The following DGKQ variants were observed in gnomAD, a reference collection of about 807,000 sequenced individuals.
The protein encoded by DGKQ is diacylglycerol kinase theta.
Under a neutral mutation model 104.2 loss-of-function variants are expected in DGKQ, and 97 were observed. That is an observed-to-expected ratio of 0.93 (90% CI 0.79 to 1.10). The LOEUF (loss-of-function observed/expected upper bound fraction) is 1.10. Ranked by LOEUF, DGKQ falls within the 50% of genes least tolerant of loss-of-function variation. DGKQ has a pLI of 0.00. For synonymous variants in DGKQ, 736 were observed against 595.2 expected (o/e 1.24, Z -3.44); for missense variants, 1,465 against 1,352.1 (o/e 1.08, Z -1.31).
chr4:961,232 G>A lies in DGKQ; in HGVS notation c.2575-31C>T, dbSNP rs780586224. Reference sequence around the variant, plus strand: ...GCGGGAGAGGCCAGCCGGGCTCAGCGGGGATCAGGGACGCCCACCGCTGAC... The same window carrying A: ...GCGGGAGAGGCCAGCCGGGCTCAGCAGGGATCAGGGACGCCCACCGCTGAC... On this transcript the variant is annotated intron_variant, in intron 21 of 22. Coordinates refer to ENST00000273814, the MANE Select transcript of DGKQ (RefSeq NM_001347.4). 68 of 1,504,608 alleles carry A rather than the reference G, an allele frequency of 4.5e-5. No individual in the cohort carries two copies. The East Asian group carries it at 6.2e-4, about 14-fold the overall frequency. The allele number at this position is 1,504,608 out of a possible 1,614,324, so 93.2% of individuals were successfully genotyped here.
rs780995529 is a variant in DGKQ at position 962,591 on chromosome 4, G to A, written c.2058C>T (p.Leu686=). 8 of 1,608,688 alleles carry A rather than the reference G, an allele frequency of 5.0e-6. No homozygotes were observed. The Admixed American group carries it at 1.0e-4, about 20-fold the overall frequency. The change falls in exon 18 of 23, where the codon CTC becomes CTT. Residue 686 remains leucine, a synonymous_variant. Transcript: ENST00000273814. ...CGCCGCTGTAGCCCGCCCCCCAGCG[G>A]AGGACTCGACCAAGGTCATTCCCTG... ...LGTGNDLGRV[L]RWGAGYSGED...
intron 19 of DGKQ, 70 bp from the exon 20 acceptor site, chr4:961,904 G>A (rs890420793): frequency 1.3e-5 from 21 of 1,605,422 alleles, no homozygotes; most frequent in East Asian, 4.5e-5. Context: ...TCCGGGTTCC[G>A]GCCCCTCTGC....
chr4:961,393 A>G, intron 21 of DGKQ, 74 bp downstream of exon 21: 1 of 1,461,810 alleles, frequency 6.8e-7, no homozygotes, highest in East Asian at 2.5e-5. Context: ...CTGGGGCGGG[A>G]GAGGCCAGCT....
At chr4:968,945 A>G (rs781649134) in intron 2 of DGKQ, 35 bp from the exon 3 acceptor site, 37 of 1,419,928 alleles carry the variant, frequency 2.6e-5, no homozygotes, top group African/African-American at 4.3e-5. Context: ...ACCCTTGGTA[A>G]GGGCAACAGG....
rs1227351148 is a variant in DGKQ, at chr4:968,401, G to A, written c.544C>T (p.His182Tyr). 3 of 1,578,766 alleles carry A rather than the reference G, an allele frequency of 1.9e-6. No individual in the cohort carries two copies. The highest frequency in any genetic ancestry group is 1.4e-5 in the African/African-American group (1 of 73,430). The change falls in exon 5 of 23, where the codon CAT (histidine) becomes TAT (tyrosine). Residue 182 changes from histidine to tyrosine, a missense_variant. Transcript: ENST00000273814. ...TTCCCCTCCCGCCAGTGGTGGTGAT[G>A]GGTGTCCTGCAGAGCGGGGGCAGTC... ...HQDGHQDHDT[H>Y]HHHWREGNLP...
chr4:968,337 G>GTCTTCCTGCAGACC lies in DGKQ; in HGVS notation c.594_607dup (p.Thr203ArgfsTer103). 8.0e-7 allele frequency: 1 copy of GTCTTCCTGCAGACC among 1,257,522 alleles called. No individual in the cohort carries two copies. Among genetic ancestry groups the GTCTTCCTGCAGACC allele is most frequent in the Non-Finnish European group, 1.0e-6 (1 of 978,076 alleles). 77.9% of individuals were successfully genotyped at this position (1,257,522 alleles called of 1,614,324 possible). A position where few individuals can be genotyped will look rare whatever the true frequency, so the allele number is the denominator to read the frequency against. ...GGCCAGCACGTCAGAGGAGCCGCACGTCTTCCTGCAGACCTCGCAGCGCGC... is the reference window on the plus strand; with the variant it reads ...GGCCAGCACGTCAGAGGAGCCGCACGTCTTCCTGCAGACCTCTTCCTGCAGACCTCGCAGCGCGC... On this transcript the variant is annotated frameshift_variant, in exon 5 of 23. Transcript: ENST00000273814. LOFTEE classifies it high-confidence loss of function.
In DGKQ at chr4:961,119, G is replaced by A. The variant is rs141366864; in HGVS notation, c.2657C>T (p.Pro886Leu). 15 of 1,610,342 alleles carry A rather than the reference G, an allele frequency of 9.3e-6. No individual in the cohort carries two copies. Among genetic ancestry groups the A allele is most frequent in the East Asian group, 4.5e-5 (2 of 44,778 alleles). Residue 886 changes from proline to leucine, a missense_variant, in exon 22 of 23, where the codon CCG becomes CTG. Coordinates refer to ENST00000273814, the MANE Select transcript of DGKQ (RefSeq NM_001347.4). ...CCAGGGCTCCCCGTCCACCTGCACC[G>A]GGGTGGCCTTGAGGAGCGTGACTCG... The part of the protein sequence containing the change: ...YFRVTLLKAT[P>L]VQVDGEPWVQ...
At chr4:968,198 CGCCAACT>C in intron 5 of DGKQ, 77 bp downstream of exon 5, 1 of 742,812 alleles carries the variant, frequency 1.3e-6, no homozygotes, top group South Asian at 2.6e-5. Flanking sequence ...TGCCCCGCCC[CGCCAACT>C]CCTCCACCTC....
intron 12 of DGKQ, 188 bp from the exon 13 acceptor site, chr4:966,266 C>G: frequency 2.4e-6 from 2 of 833,286 alleles, no homozygotes; most frequent in East Asian, 2.7e-5. Context: ...CCGTTCCCCT[C>G]GAGGACCTCG....
intron 18 of DGKQ, 54 bp downstream of exon 18, chr4:962,381 A>G (rs1439241293): frequency 1.1e-5 from 17 of 1,487,890 alleles, no homozygotes; most frequent in Middle Eastern, 2.2e-4. Flanking sequence ...TGACGCGTGT[A>G]GCGGGGTCAT....
chr4:965,292 C>G lies in DGKQ; in HGVS notation c.1619-1G>C. On this transcript the variant is annotated splice_acceptor_variant, in intron 14 of 22. Coordinates refer to ENST00000273814, the MANE Select transcript of DGKQ (RefSeq NM_001347.4). LOFTEE classifies it high-confidence loss of function. ...CAGGCAACGTCCAACACTACCGCGC[C>G]TGCGGCAGGAGCCCAGGACTCAGGG... The G allele has an allele frequency of 6.2e-7, 1 of 1,612,240 alleles. No homozygotes were observed.
chr4:965,362 C>G, intron 14 of DGKQ, 71 bp from the exon 15 acceptor site: 1 of 1,570,160 alleles, frequency 6.4e-7, no homozygotes, highest in Non-Finnish European at 8.7e-7. Flanking sequence ...AGGAACCAAA[C>G]CAGGACGTTT....
rs1291596921 is a variant in DGKQ, at chr4:967,600, G to C, written c.936C>G (p.Ser312Arg). 2.5e-6 allele frequency: 4 copies of C among 1,612,712 alleles called. No homozygotes were observed. The highest frequency in any genetic ancestry group is 2.5e-6 in the Non-Finnish European group (3 of 1,179,880). ...GGGACACCGTGACGAGGCGGAACTG[G>C]CTTCTTCTCACCGCGTCGTCGCCAT... is the stretch of plus-strand genomic sequence containing the variant. Reference protein sequence around the residue: ...IFDGDDAVRRSQFRLVTVSRL... With the variant: ...IFDGDDAVRRRQFRLVTVSRL... Residue 312 changes from serine to arginine, a missense_variant, in exon 8 of 23, where the codon AGC becomes AGG. Coordinates refer to ENST00000273814, the MANE Select transcript of DGKQ (RefSeq NM_001347.4).
rs200361869 is a variant in DGKQ at position 961,949 on chromosome 4, G to T, written c.2315+33C>A. 3.7e-6 allele frequency: 6 copies of T among 1,610,554 alleles called. No homozygotes were observed. In the East Asian group the frequency reaches 8.9e-5, roughly 24 times the overall value. ...CTGGGGGACCTGAGGGAGGTATGCC[G>T]TTGACAGGTGGTAGCCCCTGCGGCT... On this transcript the variant is annotated intron_variant, in intron 19 of 22. Transcript: ENST00000273814.
rs1712875239 is a variant in DGKQ, at chr4:970,878, C to T, written c.351+115G>A. 4 of 742,858 alleles carry T rather than the reference C, an allele frequency of 5.4e-6. No individual in the cohort carries two copies. The Admixed American group carries it at 9.0e-5, about 17-fold the overall frequency. The allele number at this position is 742,858 out of a possible 1,614,324, so 46.0% of individuals were successfully genotyped here. ...ATCCCGAGCAGTATCTGCCCTTTGC[C>T]TTTCAACTGCAGGTATCACTAACGT... On this transcript the variant is annotated intron_variant, in intron 2 of 22. Coordinates refer to ENST00000273814, the MANE Select transcript of DGKQ (RefSeq NM_001347.4).
At chr4:968,966 C>T (rs1480123940) in intron 2 of DGKQ, 56 bp from the exon 3 acceptor site, 2 of 1,140,500 alleles carry the variant, frequency 1.8e-6, no homozygotes, top group African/African-American at 3.1e-5. Flanking sequence ...CTGCCCGCCA[C>T]CCCTCCTCGC....
Position 968,912 on chromosome 4 carries a change from T to C in DGKQ, c.352-2A>G, listed in dbSNP as rs1269983117. ...GCCGAAGCAGTGGGCTACAGGAACC[T>C]GGTGGGGCAGCCTCACCTCAGCACC... On this transcript the variant is annotated splice_acceptor_variant, in intron 2 of 22. Transcript: ENST00000273814. LOFTEE classifies it high-confidence loss of function. 6.3e-7 allele frequency: 1 copy of C among 1,580,886 alleles called. No individual in the cohort carries two copies.
Position 970,996 on chromosome 4 carries a change from G to T in DGKQ, c.348C>A (p.Val116=). The T allele has an allele frequency of 6.4e-7, 1 of 1,550,762 alleles. No individual in the cohort carries two copies. The highest frequency in any genetic ancestry group is 1.2e-5 in the South Asian group (1 of 83,978). The change falls in exon 2 of 23, where the codon GTC becomes GTA. Residue 116 remains valine (V), a synonymous_variant. Coordinates refer to ENST00000273814, the MANE Select transcript of DGKQ (RefSeq NM_001347.4). ...IPCTSVAPSL[V]RVPVAHCFGP... Reference sequence around the variant, plus strand: ...CAACACCCAGCCCCACACTCACCCGGACCAGGCTGGGTGCCACACTCGTGC... The same window carrying T: ...CAACACCCAGCCCCACACTCACCCGTACCAGGCTGGGTGCCACACTCGTGC...
In DGKQ at chr4:960,200, G is replaced by A. The variant is rs1191378662; in HGVS notation, c.*420C>T. 4 of 180,948 alleles carry A rather than the reference G, an allele frequency of 2.2e-5. No homozygotes were observed. Among genetic ancestry groups the A allele is most frequent in the African/African-American group, 9.4e-5 (4 of 42,770 alleles). 11.2% of individuals were successfully genotyped at this position (180,948 alleles called of 1,614,324 possible). A position where few individuals can be genotyped will look rare whatever the true frequency, so the allele number is the denominator to read the frequency against. On this transcript the variant is annotated 3_prime_UTR_variant, in exon 23 of 23. Coordinates refer to ENST00000273814, the MANE Select transcript of DGKQ (RefSeq NM_001347.4). ...CCTGCTGCTCTTAAGGACTGGCCAG[G>A]GGGACGGCCCGAGGGGCACAAAGTG... is the stretch of plus-strand genomic sequence containing the variant.
Sources: gnomAD v4.1 joint callset for allele counts on GRCh38, gnomAD v4.1.1 for gene constraint, MANE v1.5 for transcripts, NCBI Gene and HGNC (gene_info 2026-07-23, HGNC 2026-07-21) for gene names.